CLASP1: variants seen among roughly 807,000 people sequenced by gnomAD.
The protein encoded by CLASP1 is cytoplasmic linker associated protein 1, also known as CLIP-associating protein 1.
CLASP1 carries 38 observed loss-of-function variants against 192.3 expected under a neutral mutation model. That is an observed-to-expected ratio of 0.20 (90% CI 0.15 to 0.26). The LOEUF (loss-of-function observed/expected upper bound fraction) is 0.26. CLASP1 is among the 10% of genes least tolerant of loss of function. CLASP1 has a pLI of 1.00. For missense variants in CLASP1, 1,433 were observed against 1,932.5 expected (o/e 0.74, Z 4.85); for synonymous variants, 691 against 712.8 (o/e 0.97, Z 0.49).
rs6750403 is a variant in CLASP1 at position 121,558,470 on chromosome 2, G to A, written c.196-28145C>T. Among the ~76,000 whole-genome samples the A allele has an allele frequency of 8.5e-3, 1,296 of 152,332 alleles. 19 individuals are homozygous for A. The highest frequency in any genetic ancestry group is 0.03 in the African/African-American group (1,248 of 41,558). On this transcript the variant is annotated intron_variant, in intron 2 of 39. Coordinates refer to ENST00000263710, the Ensembl canonical transcript of CLASP1. Reference sequence around the variant, plus strand: ...GCTTTTAAAGAAGGGACTGTGTCATGAGGGCTCTGTCTTCACGAATGGATG... The same window carrying A: ...GCTTTTAAAGAAGGGACTGTGTCATAAGGGCTCTGTCTTCACGAATGGATG...
At position 121,586,112 on chromosome 2, in the gene CLASP1, G is replaced by A. The variant is rs143670973; in HGVS notation, c.195+19589C>T. Among the ~76,000 whole-genome samples, 33 of 152,040 alleles carry A rather than the reference G, an allele frequency of 2.2e-4. No homozygotes were observed. In the East Asian group the frequency reaches 5.4e-3, roughly 25 times the overall value. The stretch of plus-strand genomic sequence containing the variant: ...AAACATAGCTGACATGTACTTTGAC[G>A]TTTTTGAGGACCCTATTCTTTTTTT... On this transcript the variant is annotated intron_variant, in intron 2 of 39. Coordinates refer to ENST00000263710, the Ensembl canonical transcript of CLASP1.
intron 2 of CLASP1, among the ~76,000 whole-genome samples, chr2:121,547,465 T>G (rs1262721940): frequency 1.3e-5 from 2 of 151,920 alleles, no homozygotes; most frequent in Admixed American, 6.5e-5. Context: ...CTGAGCTGAT[T>G]GCACTGAGTG....
chr2:121,534,995 T>C (rs1427534695), intron 2 of CLASP1, among the ~76,000 whole-genome samples: 1 of 152,152 alleles, frequency 6.6e-6, no homozygotes, highest in Non-Finnish European at 1.5e-5. Flanking sequence ...AGGCCGAGTG[T>C]GGTGTCTCAC....
intron 23 of CLASP1, among the ~76,000 whole-genome samples, chr2:121,411,344 G>A (rs2077675081): frequency 6.6e-6 from 1 of 152,168 alleles, no homozygotes; most frequent in Non-Finnish European, 1.5e-5. Flanking sequence ...AAAGCTTCAT[G>A]GTTTCATAAG....
At chr2:121,422,915 A>G (rs1207943901) in intron 22 of CLASP1, among the ~76,000 whole-genome samples, 1 of 152,152 alleles carries the variant, frequency 6.6e-6, no homozygotes, top group African/African-American at 2.4e-5. Flanking sequence ...ATATTCCTAA[A>G]AGATGTTCCT....
intron 2 of CLASP1, among the ~76,000 whole-genome samples, chr2:121,587,983 G>A (rs1010538486): frequency 5.3e-5 from 8 of 151,864 alleles, no homozygotes; most frequent in Non-Finnish European, 1.0e-4. Context: ...AGACTAGCCT[G>A]GTCAACATAG....
chr2:121,529,085 G>A (rs2094670193), intron 3 of CLASP1, among the ~76,000 whole-genome samples: 1 of 152,200 alleles, frequency 6.6e-6, no homozygotes, highest in Non-Finnish European at 1.5e-5. Flanking sequence ...TTGAGAGGAA[G>A]AGTCAACAGA....
In CLASP1 at chr2:121,474,552, C is replaced by A. The variant is rs539714261; in HGVS notation, c.713-4592G>T. 4.6e-5 allele frequency among the ~76,000 whole-genome samples: 7 copies of A among 152,172 alleles called. No individual in the cohort carries two copies. The South Asian group carries it at 1.5e-3, about 32-fold the overall frequency. On this transcript the variant is annotated intron_variant, in intron 8 of 39. Transcript: ENST00000263710. ...GAGATAGAGACCATCCTGGCTAACA[C>A]GGTGAAACCCCGTCTCTACTAAACA...
chr2:121,646,053 G>A (rs866104877), intron 1 of CLASP1, among the ~76,000 whole-genome samples: 1 of 152,226 alleles, frequency 6.6e-6, no homozygotes, highest in African/African-American at 2.4e-5. Context: ...ACCAAAAACT[G>A]TATCAGCGAT....
At chr2:121,632,701 A>G (rs1423283956) in intron 1 of CLASP1, among the ~76,000 whole-genome samples, 4 of 152,160 alleles carry the variant, frequency 2.6e-5, no homozygotes, top group Admixed American at 1.3e-4. Flanking sequence ...ATTCAAGACT[A>G]GCCTGACCAG....
At chr2:121,353,132 C>T (rs372223058) in intron 37 of CLASP1, among the ~76,000 whole-genome samples, 1 of 152,066 alleles carries the variant, frequency 6.6e-6, no homozygotes. Flanking sequence ...GAATTTGAGA[C>T]CAGCCCGGGC....
chr2:121,648,443 A>C (rs2073585750), intron 1 of CLASP1, among the ~76,000 whole-genome samples: 1 of 152,126 alleles, frequency 6.6e-6, no homozygotes, highest in Non-Finnish European at 1.5e-5. Flanking sequence ...ACTACACAGA[A>C]ACTCACCCAG....
chr2:121,533,059 G>A (rs1484345526), intron 2 of CLASP1, among the ~76,000 whole-genome samples: 2 of 152,094 alleles, frequency 1.3e-5, no homozygotes, highest in African/African-American at 2.4e-5. Flanking sequence ...TTATTTGGGG[G>A]AAAGCTGACG....
intron 2 of CLASP1, among the ~76,000 whole-genome samples, chr2:121,544,907 C>CTTTTTTTTTTTTTTTTTTTTTTT (rs3078562): frequency 1.6e-5 from 2 of 122,886 alleles, no homozygotes; most frequent in African/African-American, 6.0e-5. Context: ...CTTTTCTTTT[C>CTTTTTTTTTTTTTTTTTTTTTTT]TTTTTTTTTT....
At chr2:121,647,787 G>C (rs1313172442) in intron 1 of CLASP1, among the ~76,000 whole-genome samples, 2 of 152,182 alleles carry the variant, frequency 1.3e-5, no homozygotes, top group Non-Finnish European at 2.9e-5. Flanking sequence ...TACAATATTT[G>C]ACACCTCCAC....
intron 23 of CLASP1, 83 bp from the exon 25 acceptor site, chr2:121,411,052 C>T: frequency 1.2e-6 from 1 of 823,094 alleles, no homozygotes; most frequent in East Asian, 2.7e-5. Context: ...CCTCTTCCCA[C>T]CAAGTAGACA....
At chr2:121,460,686 C>T (rs1188425880) in intron 11 of CLASP1, among the ~76,000 whole-genome samples, 2 of 152,168 alleles carry the variant, frequency 1.3e-5, no homozygotes, top group African/African-American at 4.8e-5. Context: ...GCTGAGCCCA[C>T]TTTCCATTAA....
chr2:121,437,621 G>A lies in CLASP1; in HGVS notation c.1913-7444C>T, dbSNP rs1047103425. ...CAAGATTTTGGTTGCACATTCTCGA[G>A]GGAGATTACTTTCCCCCTCTAACCA... On this transcript the variant is annotated intron_variant, in intron 19 of 39. Transcript: ENST00000263710. 1.6e-4 allele frequency among the ~76,000 whole-genome samples: 24 copies of A among 152,290 alleles called. 1 individual carries two copies. The highest frequency in any genetic ancestry group is 5.8e-4 in the African/African-American group (24 of 41,564).
chr2:121,494,236 G>A (rs942577305), intron 8 of CLASP1, among the ~76,000 whole-genome samples: 3 of 152,176 alleles, frequency 2.0e-5, no homozygotes, highest in Non-Finnish European at 4.4e-5. Flanking sequence ...AAGAAAATGC[G>A]ATGCCTATAC....
Sources: gnomAD v4.1 joint callset for allele counts (sites outside exome capture counted in the v4.1 genomes callset) on GRCh38, gnomAD v4.1.1 for gene constraint, MANE v1.5 for transcripts, NCBI Gene and HGNC (gene_info 2026-07-23, HGNC 2026-07-21) for gene names.